Variants in KIF6 observed in about 807,000 individuals in gnomAD.
KIF6 encodes the protein kinesin family member 6.
KIF6 carries 106 observed loss-of-function variants against 112.7 expected under a neutral mutation model. The ratio of observed to expected loss-of-function variants is 0.94; its 90% CI spans 0.80 to 1.11. The LOEUF (loss-of-function observed/expected upper bound fraction) is 1.11, where lower values mean the gene tolerates loss of function less well. KIF6 is among the 50% of genes least tolerant of loss of function. The pLI is 0.00. For missense variants in KIF6, 929 were observed against 964.0 expected (o/e 0.96, Z 0.48); for synonymous variants, 339 against 339.9 (o/e 1.00, Z 0.03).
At chr6:39,708,805 T>A (rs944146134) in intron 3 of KIF6, among the ~76,000 whole-genome samples, 13 of 152,026 alleles carry the variant, frequency 8.6e-5, no homozygotes, top group Admixed American at 2.0e-4. Context: ...TAATGTACTA[T>A]TTTTGCTTGA....
At chr6:39,637,725 C>T (rs965096822) in intron 4 of KIF6, among the ~76,000 whole-genome samples, 1 of 152,014 alleles carries the variant, frequency 6.6e-6, no homozygotes, top group Non-Finnish European at 1.5e-5. Context: ...CTTCATGATG[C>T]ACTTCAAGTT....
At chr6:39,722,472 T>C (rs1035183322) in intron 1 of KIF6, among the ~76,000 whole-genome samples, 7 of 152,212 alleles carry the variant, frequency 4.6e-5, no homozygotes, top group African/African-American at 1.7e-4. Flanking sequence ...GAAAATGTTT[T>C]GAAATGTATA....
At chr6:39,581,161 C>CTTTTTTTTT (rs60321520) in intron 9 of KIF6, among the ~76,000 whole-genome samples, 9 of 78,654 alleles carry the variant, frequency 1.1e-4, no homozygotes, top group African/African-American at 1.8e-4. Context: ...GCTTTACTTT[C>CTTTTTTTTT]TTTTTTTTTT....
chr6:39,337,172 C>CTTTCTTTCTTTCTTTCTTTCTTTCT lies in KIF6; in HGVS notation c.2429-625_2429-624insAGAAAGAAAGAAAGAAAGAAAGAAA, dbSNP rs1554195075. Among the ~76,000 whole-genome samples, 23 of 59,514 alleles carry CTTTCTTTCTTTCTTTCTTTCTTTCT rather than the reference C, an allele frequency of 3.9e-4. 1 individual carries two copies. The highest frequency in any genetic ancestry group is 8.3e-4 in the East Asian group (2 of 2,398). The allele number at this position is 59,514 out of a possible 152,430, so 39.0% of individuals were successfully genotyped here. ...TCTCTTTCTTTTCTTTCTTTCCTTC[C>CTTTCTTTCTTTCTTTCTTTCTTTCT]TTCTTTCTTTCTTTCTTTCTTTCTT... On this transcript the variant is annotated intron_variant, in intron 22 of 22. Coordinates refer to ENST00000287152, the MANE Select transcript of KIF6 (RefSeq NM_145027.6).
chr6:39,392,919 T>TG (rs1410558348), intron 15 of KIF6, among the ~76,000 whole-genome samples: 1 of 152,180 alleles, frequency 6.6e-6, no homozygotes, highest in Non-Finnish European at 1.5e-5. Context: ...TATAAGCCCT[T>TG]GGGTTGAAAG....
intron 16 of KIF6, among the ~76,000 whole-genome samples, chr6:39,384,608 A>G (rs1303743425): frequency 6.6e-6 from 1 of 152,068 alleles, no homozygotes; most frequent in African/African-American, 2.4e-5. Context: ...GAAACAACCA[A>G]CTTTCCTAAT....
At chr6:39,440,456 C>A (rs138480714) in intron 13 of KIF6, among the ~76,000 whole-genome samples, 163 of 152,254 alleles carry the variant, frequency 1.1e-3, no homozygotes, top group Middle Eastern at 6.8e-3. Context: ...AACCTTCTAT[C>A]TGAAGTGAAA....
chr6:39,603,390 T>C (rs1414797218), intron 6 of KIF6, among the ~76,000 whole-genome samples: 1 of 152,106 alleles, frequency 6.6e-6, no homozygotes, highest in Admixed American at 6.6e-5. Flanking sequence ...TTCCTCTCCC[T>C]GGCACTGATT....
chr6:39,525,118 G>A (rs1236186265), intron 13 of KIF6, among the ~76,000 whole-genome samples: 1 of 152,100 alleles, frequency 6.6e-6, no homozygotes, highest in Non-Finnish European at 1.5e-5. Flanking sequence ...TTCTTTACCA[G>A]GCCTGAGATG....
intron 19 of KIF6, among the ~76,000 whole-genome samples, chr6:39,349,880 C>T (rs1376497536): frequency 2.0e-5 from 3 of 152,004 alleles, no homozygotes; most frequent in Admixed American, 6.6e-5. Flanking sequence ...CTCCTGACCT[C>T]GTGATCCACC....
chr6:39,335,825 C>T lies in KIF6; in HGVS notation c.*707G>A, dbSNP rs1244462343. 2 of 152,394 alleles carry T rather than the reference C, an allele frequency of 1.3e-5. No individual in the cohort carries two copies. The highest frequency in any genetic ancestry group is 2.9e-5 in the Non-Finnish European group (2 of 68,198). The allele number at this position is 152,394 out of a possible 1,614,324, so 9.4% of individuals were successfully genotyped here. On this transcript the variant is annotated 3_prime_UTR_variant, in exon 23 of 23. Coordinates refer to ENST00000287152, the MANE Select transcript of KIF6 (RefSeq NM_145027.6). ...GCCCAAGGTACCCACACTGCCCTCT[C>T]TCAAGCTCTCAGCAGAGCCCCTGGG... is the stretch of plus-strand genomic sequence containing the variant.
At position 39,378,532 on chromosome 6, in the gene KIF6, A is replaced by T. The variant is rs1380442664; in HGVS notation, c.1861+7090T>A. Among the ~76,000 whole-genome samples the T allele has an allele frequency of 6.6e-6, 1 of 151,940 alleles. No individual in the cohort carries two copies. The highest frequency in any genetic ancestry group is 1.5e-5 in the Non-Finnish European group (1 of 67,976). On this transcript the variant is annotated intron_variant, in intron 16 of 22. Coordinates refer to ENST00000287152, the MANE Select transcript of KIF6 (RefSeq NM_145027.6). This position sits in a 1 kb window ranked among gnomAD's most constrained non-coding sequence, Gnocchi z 5.0. ...CGCATACACACACCCCAACTAACCC[A>T]AACTATTTCCCACTCTTCTCTGTGG...
intron 3 of KIF6, among the ~76,000 whole-genome samples, chr6:39,648,057 T>C (rs1785266531): frequency 6.9e-6 from 1 of 145,938 alleles, no homozygotes. Flanking sequence ...AGAGTCTTAC[T>C]CTGTCCACCA....
chr6:39,539,635 G>C (rs1400016016), intron 13 of KIF6, among the ~76,000 whole-genome samples: 1 of 152,188 alleles, frequency 6.6e-6, no homozygotes, highest in African/African-American at 2.4e-5. Flanking sequence ...GAGCCACCGT[G>C]CCTGGCCTGG....
rs370484204 is a variant in KIF6, at chr6:39,540,095, T to G, written c.1553A>C (p.Glu518Ala). ...TGAGGATAGTCGCATTCTTTGACCT[T>G]CTTCTGGGTTTCCTAGGCGGAAGGG... ...SPPFRLGNPEEGQRMRLSSAP... is the reference protein window; with the variant it reads ...SPPFRLGNPEAGQRMRLSSAP... The change falls in exon 13 of 23, where the codon GAA becomes GCA. Residue 518 changes from glutamate (E) to alanine (A), a missense_variant. By Grantham distance (107) the Glu-to-Ala change is moderately radical. This residue lies in a region of KIF6 where 688 missense variants were observed against 662.7 expected (regional missense o/e 1.04). Transcript: ENST00000287152. 5.6e-6 allele frequency: 9 copies of G among 1,614,130 alleles called. No individual in the cohort carries two copies. The highest frequency in any genetic ancestry group is 7.6e-6 in the Non-Finnish European group (9 of 1,180,004).
intron 14 of KIF6, among the ~76,000 whole-genome samples, chr6:39,427,010 C>A (rs1770818827): frequency 6.6e-6 from 1 of 152,188 alleles, no homozygotes; most frequent in South Asian, 2.1e-4. Context: ...TGTCCCAACA[C>A]CAGCATGGTC....
At chr6:39,566,873 G>A (rs545438756) in intron 10 of KIF6, among the ~76,000 whole-genome samples, 1 of 152,270 alleles carries the variant, frequency 6.6e-6, no homozygotes, top group African/African-American at 2.4e-5. Context: ...ACTTGGAGGT[G>A]TAAAATCAGC....
chr6:39,464,903 C>T (rs1338054357), intron 13 of KIF6, among the ~76,000 whole-genome samples: 1 of 152,228 alleles, frequency 6.6e-6, no homozygotes, highest in Admixed American at 6.5e-5. Flanking sequence ...GAAAGCATGG[C>T]TGTCCCAGTT....
At chr6:39,628,598 T>G (rs1310467417) in intron 5 of KIF6, among the ~76,000 whole-genome samples, 1 of 152,104 alleles carries the variant, frequency 6.6e-6, no homozygotes, top group Non-Finnish European at 1.5e-5. Context: ...GGGATTGGCT[T>G]TTTTTACTCA....
Sources: gnomAD v4.1 joint callset for allele counts (sites outside exome capture counted in the v4.1 genomes callset) on GRCh38, gnomAD v4.1.1 for gene constraint, gnomAD v4.1.1 regional missense constraint, Gnocchi (gnomAD v3.1) non-coding constraint, MANE v1.5 for transcripts, NCBI Gene and HGNC (gene_info 2026-07-23, HGNC 2026-07-21) for gene names.